COL17A1: variants seen among roughly 807,000 people sequenced by gnomAD.
The protein encoded by COL17A1 is collagen alpha-1(XVII) chain.
A neutral mutation model predicts 218.4 loss-of-function variants in COL17A1; 181 were observed. That is an observed-to-expected ratio of 0.83 (90% CI 0.73 to 0.94). The LOEUF (loss-of-function observed/expected upper bound fraction) is 0.94, where lower values mean the gene tolerates loss of function less well. COL17A1 is among the 40% of genes least tolerant of loss of function. The pLI, the probability that COL17A1 is intolerant of heterozygous loss-of-function variation, is 0.00. For synonymous variants in COL17A1, 721 were observed against 731.0 expected (o/e 0.99, Z 0.22); for missense variants, 1,924 against 1,945.9 (o/e 0.99, Z 0.21).
chr10:104,049,318 G>T, intron 29 of COL17A1, 91 bp downstream of exon 29: 1 of 1,186,966 alleles, frequency 8.4e-7, no homozygotes, highest in Non-Finnish European at 1.3e-6. Context: ...TTAGAGAGTA[G>T]GAGAGGCAGC....
intron 46 of COL17A1, 53 bp from the exon 47 acceptor site, chr10:104,037,166 C>T: frequency 5.3e-6 from 8 of 1,503,180 alleles, no homozygotes; most frequent in Non-Finnish European, 7.3e-6. Flanking sequence ...GAAGCAACAC[C>T]CTCACTATTC....
chr10:104,034,751 G>T lies in COL17A1; in HGVS notation c.3636C>A (p.Phe1212Leu). The T allele has an allele frequency of 1.2e-6, 2 of 1,612,550 alleles. No individual in the cohort carries two copies. The highest frequency in any genetic ancestry group is 2.2e-5 in the South Asian group (2 of 90,556). ...SSYLHTAGLS[F>L]IPGPPGPPGP... ...CAGGAGGTCCTGGAGGGCCTGGGAT[G>T]AATGACAAGCCGGCAGCTGGGCAGA... Residue 1212 changes from phenylalanine to leucine, a missense_variant, in exon 51 of 56, where the codon TTC becomes TTA. By Grantham distance (22) the Phe-to-Leu change is conservative. Transcript: ENST00000648076.
intron 27 of COL17A1, 127 bp downstream of exon 27, chr10:104,050,494 A>G (rs904282640): frequency 1.3e-6 from 2 of 1,490,528 alleles, no homozygotes; most frequent in African/African-American, 2.8e-5. Flanking sequence ...CCTATCTGAG[A>G]GGTTGGATTA....
Position 104,060,218 on chromosome 10 carries a change from C to T in COL17A1, c.1042G>A (p.Glu348Lys). 1 of 1,614,136 alleles carries T rather than the reference C, an allele frequency of 6.2e-7. No individual in the cohort carries two copies. Reference protein sequence around the residue: ...LHKDCKFLILEKDNTPAKKEM... With the variant: ...LHKDCKFLILKKDNTPAKKEM... ...TTCTTGGCAGGTGTGTTGTCTTTCT[C>T]TAGGATCAGGAACTTGCAGTCCTTG... The change falls in exon 14 of 56, where the codon GAG becomes AAG. Residue 348 changes from glutamate to lysine, a missense_variant. Transcript: ENST00000648076.
intron 27 of COL17A1, 127 bp downstream of exon 27, chr10:104,050,494 A>T: frequency 1.3e-6 from 2 of 1,490,648 alleles, no homozygotes; most frequent in Admixed American, 1.7e-5. Flanking sequence ...CCTATCTGAG[A>T]GGTTGGATTA....
chr10:104,036,985 G>A (rs763782317), intron 47 of COL17A1, 60 bp downstream of exon 47: 21 of 1,476,772 alleles, frequency 1.4e-5, no homozygotes, highest in Admixed American at 1.9e-5. Flanking sequence ...TTTGCATGAC[G>A]AGTGAGGCCA....
In COL17A1 at chr10:104,033,393, T is replaced by C. The variant is rs1394178616; in HGVS notation, c.4157-18A>G. On this transcript the variant is annotated intron_variant, in intron 52 of 55. Coordinates refer to ENST00000648076, the MANE Select transcript of COL17A1 (RefSeq NM_000494.4). ...GCCCTGACCTGTAAAACACCAGAGCTTGGGCACAGGAAGCAGGGATCTCCC... is the reference window on the plus strand; with the variant it reads ...GCCCTGACCTGTAAAACACCAGAGCCTGGGCACAGGAAGCAGGGATCTCCC... 4.4e-6 allele frequency: 7 copies of C among 1,608,616 alleles called. No individual in the cohort carries two copies. The highest frequency in any genetic ancestry group is 5.9e-6 in the Non-Finnish European group (7 of 1,178,040).
At chr10:104,037,524 T>C in intron 46 of COL17A1, 112 bp downstream of exon 46, 1 of 1,359,712 alleles carries the variant, frequency 7.4e-7, no homozygotes, top group Non-Finnish European at 1.1e-6. Flanking sequence ...GAATTAAAAC[T>C]CATGTTCCAG....
At position 104,032,126 on chromosome 10, in the gene COL17A1, G is replaced by T; in HGVS notation, c.*109C>A. 6.0e-6 allele frequency: 5 copies of T among 832,496 alleles called. No homozygotes were observed. Among genetic ancestry groups the T allele is most frequent in the Non-Finnish European group, 1.0e-5 (5 of 483,220 alleles). The allele number at this position is 832,496 out of a possible 1,614,324, so 51.6% of individuals were successfully genotyped here. On this transcript the variant is annotated 3_prime_UTR_variant, in exon 56 of 56. Coordinates refer to ENST00000648076, the MANE Select transcript of COL17A1 (RefSeq NM_000494.4). The stretch of plus-strand genomic sequence containing the variant: ...TGTTGCTAGCTAGGTTGGCTGTGCT[G>T]TCTCAGTAGGACATTGACAGACTCC...
intron 32 of COL17A1, among the ~76,000 whole-genome samples, chr10:104,046,336 A>G (rs1446125992): frequency 2.0e-5 from 3 of 152,202 alleles, no homozygotes; most frequent in African/African-American, 7.2e-5. Flanking sequence ...ACAGGCTTTA[A>G]CACTGAGGCT....
Position 104,041,068 on chromosome 10 carries a change from A to T in COL17A1, c.2698T>A (p.Ser900Thr), listed in dbSNP as rs770304139. The T allele has an allele frequency of 1.9e-6, 3 of 1,614,130 alleles. No homozygotes were observed. The highest frequency in any genetic ancestry group is 1.7e-6 in the Non-Finnish European group (2 of 1,179,996). The stretch of plus-strand genomic sequence containing the variant: ...CGACTTGACTCCCTGACATTACCTG[A>T]GTTGGACAGGAACGATCCTGGTGGG... ...PGPPGSFLSNSETFLSGPPGP... is the reference protein window; with the variant it reads ...PGPPGSFLSNTETFLSGPPGP... The change falls in exon 39 of 56, where the codon TCA (serine) becomes ACA (threonine). Residue 900 changes from serine to threonine, a missense_variant. Coordinates refer to ENST00000648076, the MANE Select transcript of COL17A1 (RefSeq NM_000494.4).
intron 11 of COL17A1, among the ~76,000 whole-genome samples, chr10:104,063,081 A>C (rs1319576053): frequency 1.3e-5 from 2 of 152,188 alleles, no homozygotes; most frequent in Non-Finnish European, 2.9e-5. Flanking sequence ...TGAAAATCTG[A>C]ATGCAAAACT....
chr10:104,077,367 G>T, intron 4 of COL17A1, 55 bp downstream of exon 4: 2 of 1,403,952 alleles, frequency 1.4e-6, no homozygotes, highest in Non-Finnish European at 2.0e-6. Flanking sequence ...CTTTCTTGGT[G>T]TCTCTCTCTT....
chr10:104,064,494 T>C lies in COL17A1; in HGVS notation c.710A>G (p.Asn237Ser), dbSNP rs913076338. 4 of 1,614,016 alleles carry C rather than the reference T, an allele frequency of 2.5e-6. No homozygotes were observed. Among genetic ancestry groups the C allele is most frequent in the Non-Finnish European group, 3.4e-6 (4 of 1,180,032 alleles). ...GAGGGATGAGCTCTGGGTTGTCATGTTGTTGTGATAGGTCCCCATGGAGGA... is the reference window on the plus strand; with the variant it reads ...GAGGGATGAGCTCTGGGTTGTCATGCTGTTGTGATAGGTCCCCATGGAGGA... Reference protein sequence around the residue: ...AGSSMGTYHNNMTTQSSSLLN... With the variant: ...AGSSMGTYHNSMTTQSSSLLN... The change falls in exon 10 of 56, where the codon AAC becomes AGC. Residue 237 changes from asparagine (N) to serine (S), a missense_variant. Physicochemically the swap from Asn to Ser is conservative, Grantham distance 46. Transcript: ENST00000648076.
At chr10:104,073,807 G>A (rs188483668) in intron 6 of COL17A1, 100 of 298,694 alleles carry the variant, frequency 3.3e-4, no homozygotes, top group African/African-American at 1.9e-3. Flanking sequence ...TGGAGGTGCC[G>A]GGATGCCTGG....
intron 6 of COL17A1, 75 bp downstream of exon 6, chr10:104,074,105 TCCCA>T: frequency 6.2e-7 from 1 of 1,608,206 alleles, no homozygotes; most frequent in South Asian, 1.1e-5. Context: ...GGTCCCCTAC[TCCCA>T]CCACTTCATC....
chr10:104,069,591 G>A (rs907524008), intron 9 of COL17A1, among the ~76,000 whole-genome samples: 2 of 152,156 alleles, frequency 1.3e-5, no homozygotes, highest in African/African-American at 4.8e-5. Context: ...CCCCTTACAA[G>A]TTATGATATG....
intron 3 of COL17A1, among the ~76,000 whole-genome samples, chr10:104,078,092 T>C (rs1049946503): frequency 4.6e-5 from 7 of 152,186 alleles, no homozygotes; most frequent in Non-Finnish European, 7.3e-5. Flanking sequence ...CAGATCAATA[T>C]TACAGGAGTG....
chr10:104,043,925 T>C (rs2086385559), intron 33 of COL17A1, 65 bp from the exon 34 acceptor site: 2 of 1,569,732 alleles, frequency 1.3e-6, no homozygotes, highest in Non-Finnish European at 1.8e-6. Flanking sequence ...CAATAAGCCA[T>C]TTTCAAGGCT....
Sources: gnomAD v4.1 joint callset for allele counts (sites outside exome capture counted in the v4.1 genomes callset) on GRCh38, gnomAD v4.1.1 for gene constraint, MANE v1.5 for transcripts, NCBI Gene and HGNC (gene_info 2026-07-23, HGNC 2026-07-21) for gene names.